SRBD1: variants seen among roughly 807,000 people sequenced by gnomAD.
SRBD1 encodes S1 RNA binding domain 1.
In SRBD1, 88 loss-of-function variants were observed where a neutral mutation model predicts 115.3. The ratio of observed to expected loss-of-function variants is 0.76; its 90% confidence interval spans 0.64 to 0.91. SRBD1 has a LOEUF of 0.91. Among genes scored for constraint, SRBD1 ranks in the 40% least tolerant of loss-of-function variants. The pLI, the probability that SRBD1 is intolerant of heterozygous loss-of-function variation, is 0.00. For missense variants in SRBD1, 1,385 were observed against 1,177.4 expected, an observed-to-expected ratio of 1.18 and a Z score of -2.58; for synonymous variants, 509 against 407.7, an observed-to-expected ratio of 1.25 and a Z score of -2.99.
chr2:45,554,383 T>C (rs899110692), intron 10 of SRBD1, among the ~76,000 whole-genome samples: 6 of 152,232 alleles, frequency 3.9e-5, no homozygotes, highest in African/African-American at 1.4e-4. Flanking sequence ...TGGTATTTTG[T>C]TATGTTAGTC....
At chr2:45,463,369 C>T (rs1429400205) in intron 16 of SRBD1, among the ~76,000 whole-genome samples, 1 of 152,162 alleles carries the variant, frequency 6.6e-6, no homozygotes, top group Non-Finnish European at 1.5e-5. Flanking sequence ...CATAATCTTA[C>T]AAGTAATTAC....
chr2:45,414,729 C>CATAT (rs747470180), intron 18 of SRBD1, among the ~76,000 whole-genome samples: 15 of 137,556 alleles, frequency 1.1e-4, no homozygotes, highest in African/African-American at 4.1e-4. Flanking sequence ...TACACACACA[C>CATAT]AGTGTGTATA....
At chr2:45,429,348 A>G (rs1668260980) in intron 16 of SRBD1, among the ~76,000 whole-genome samples, 1 of 152,270 alleles carries the variant, frequency 6.6e-6, no homozygotes, top group East Asian at 1.9e-4. Context: ...CAAAAAAAGA[A>G]AATTTCAGGC....
chr2:45,578,880 A>C (rs952145340), intron 7 of SRBD1, among the ~76,000 whole-genome samples: 3 of 152,248 alleles, frequency 2.0e-5, no homozygotes, highest in African/African-American at 7.2e-5. Flanking sequence ...ATGTGAGATG[A>C]TGAATATGTT....
intron 5 of SRBD1, among the ~76,000 whole-genome samples, chr2:45,584,658 C>T (rs1292086357): frequency 6.6e-6 from 1 of 152,182 alleles, no homozygotes; most frequent in East Asian, 1.9e-4. Context: ...CCATGGGAGA[C>T]ATGCAATAAA....
intron 15 of SRBD1, among the ~76,000 whole-genome samples, chr2:45,477,746 T>A (rs1426579243): frequency 6.6e-6 from 1 of 152,128 alleles, no homozygotes; most frequent in Non-Finnish European, 1.5e-5. Context: ...AGAGATCAAG[T>A]TACTTGGCTA....
At chr2:45,588,488 TCCTGTTC>T (rs1387702155) in intron 4 of SRBD1, among the ~76,000 whole-genome samples, 1 of 152,226 alleles carries the variant, frequency 6.6e-6, no homozygotes, top group East Asian at 1.9e-4. Flanking sequence ...TTTTCCTGTT[TCCTGTTC>T]CAGTCCACAT....
At chr2:45,479,471 T>C (rs1669898340) in intron 15 of SRBD1, among the ~76,000 whole-genome samples, 1 of 152,172 alleles carries the variant, frequency 6.6e-6, no homozygotes, top group African/African-American at 2.4e-5. Context: ...TTTTTGCTGA[T>C]ATGGAGAAAG....
chr2:45,547,877 T>G (rs1224005564), intron 12 of SRBD1, among the ~76,000 whole-genome samples: 2 of 152,166 alleles, frequency 1.3e-5, no homozygotes, highest in Admixed American at 1.3e-4. Context: ...TGGTTTTCAC[T>G]AACATCTAAC....
At chr2:45,563,742 CA>C (rs978594845) in intron 9 of SRBD1, among the ~76,000 whole-genome samples, 1 of 151,832 alleles carries the variant, frequency 6.6e-6, no homozygotes, top group African/African-American at 2.4e-5. Flanking sequence ...CTACCAAAAA[CA>C]AACCAAAAAG....
At chr2:45,393,356 G>GCAC (rs1667058703) in intron 19 of SRBD1, among the ~76,000 whole-genome samples, 1 of 152,154 alleles carries the variant, frequency 6.6e-6, no homozygotes, top group South Asian at 2.1e-4. Context: ...ATCAAATGAA[G>GCAC]CACCTGCTCA....
chr2:45,546,250 A>C, intron 14 of SRBD1: 3 of 985,440 alleles, frequency 3.0e-6, no homozygotes, highest in Non-Finnish European at 3.6e-6. Context: ...ATATGAAATA[A>C]AAGTTTGTGA....
chr2:45,469,488 T>A (rs1354084342), intron 16 of SRBD1, among the ~76,000 whole-genome samples: 1 of 152,202 alleles, frequency 6.6e-6, no homozygotes, highest in Non-Finnish European at 1.5e-5. Context: ...AAAAGGTTCT[T>A]CAAATCATGC....
chr2:45,540,659 C>T (rs1447846270), intron 14 of SRBD1, among the ~76,000 whole-genome samples: 1 of 152,088 alleles, frequency 6.6e-6, no homozygotes, highest in Non-Finnish European at 1.5e-5. Flanking sequence ...AATAAAAATA[C>T]TCTTATTCAA....
intron 14 of SRBD1, among the ~76,000 whole-genome samples, chr2:45,520,497 A>C (rs897405201): frequency 1.7e-4 from 26 of 152,320 alleles, no homozygotes; most frequent in African/African-American, 6.3e-4. Flanking sequence ...TCCCCGGCAA[A>C]GGCCCCACCC....
chr2:45,410,825 A>G (rs1667580485), intron 19 of SRBD1, among the ~76,000 whole-genome samples: 1 of 152,238 alleles, frequency 6.6e-6, no homozygotes, highest in South Asian at 2.1e-4. Context: ...GCTTCTAGAT[A>G]GCTCAACACC....
At chr2:45,552,236 T>C (rs879561938) in intron 11 of SRBD1, among the ~76,000 whole-genome samples, 3 of 152,172 alleles carry the variant, frequency 2.0e-5, no homozygotes, top group Non-Finnish European at 4.4e-5. Context: ...AGTGGGAGTG[T>C]CCTCCTCTTT....
rs1016165134 is a variant in SRBD1 at position 45,547,714 on chromosome 2, G to A, written c.1676-102C>T. The A allele has an allele frequency of 3.3e-6, 3 of 904,788 alleles. No homozygotes were observed. The East Asian group carries it at 8.0e-5, about 24-fold the overall frequency. 56.0% of individuals were successfully genotyped at this position (904,788 alleles called of 1,614,324 possible). On this transcript the variant is annotated intron_variant, in intron 12 of 20. Transcript: ENST00000263736. Reference sequence around the variant, plus strand: ...TTGTAACAGAAAAGGAGACTGGCTTGTTTTTTATAATGAAGTCTGAACTAT... The same window carrying A: ...TTGTAACAGAAAAGGAGACTGGCTTATTTTTTATAATGAAGTCTGAACTAT...
At chr2:45,492,572 G>A (rs1177277489) in intron 14 of SRBD1, among the ~76,000 whole-genome samples, 2 of 152,252 alleles carry the variant, frequency 1.3e-5, no homozygotes, top group East Asian at 3.9e-4. Context: ...CCAAGTAGCT[G>A]GGACTACAGG....
Sources: allele counts gnomAD v4.1 joint callset (sites outside exome capture counted in the v4.1 genomes callset), GRCh38; gene constraint gnomAD v4.1.1; transcripts MANE v1.5; gene names NCBI Gene and HGNC (gene_info 2026-07-23, HGNC 2026-07-21).